Variants in UTRN observed in about 807,000 individuals in gnomAD.
UTRN encodes dystrophin-related protein 1.
UTRN carries 283 observed loss-of-function variants against 463.9 expected under a neutral mutation model. That is an observed-to-expected ratio of 0.61 (90% CI 0.55 to 0.67). The LOEUF is 0.67. Ranked by LOEUF, UTRN falls within the 30% of genes least tolerant of loss-of-function variation. The probability of loss-of-function intolerance (pLI) is 0.00; values close to 1 mark genes in which losing one functional copy is unlikely to be tolerated. For missense variants in UTRN, 3,922 were observed against 4,084.3 expected, an observed-to-expected ratio of 0.96 and a Z score of 1.08; for synonymous variants, 1,442 against 1,431.5, an observed-to-expected ratio of 1.01 and a Z score of -0.17.
intron 61 of UTRN, among the ~76,000 whole-genome samples, chr6:144,782,381 T>C (rs1160944632): frequency 1.3e-5 from 2 of 152,166 alleles, no homozygotes; most frequent in Non-Finnish European, 1.5e-5. Context: ...TATAGTATTC[T>C]TTGCCAAAAT....
At chr6:144,715,635 C>T (rs1215114420) in intron 53 of UTRN, among the ~76,000 whole-genome samples, 1 of 151,996 alleles carries the variant, frequency 6.6e-6, no homozygotes, top group Non-Finnish European at 1.5e-5. Flanking sequence ...CTCAACTTCT[C>T]TACTTGAACT....
chr6:144,554,822 T>C lies in UTRN; in HGVS notation c.7063T>C (p.Tyr2355His), dbSNP rs114615094. The C allele has an allele frequency of 1.8e-4, 296 of 1,613,982 alleles. 1 individual carries two copies. The East Asian group carries it at 5.3e-3, about 29-fold the overall frequency. ...REETEELMRK[Y>H]EARLYILQQA... ...GGAGACTGAAGAACTGATGAGAAAA[T>C]ATGAGGCTCGACTCTATATTCTTCA... Residue 2355 changes from tyrosine (Y) to histidine (H), a missense_variant, in exon 49 of 75, where the codon TAT (tyrosine) becomes CAT (histidine). Tyr to His is a moderately conservative substitution (Grantham distance 83). This residue lies in a region of UTRN where 1,309 missense variants were observed against 1,452.6 expected (regional missense o/e 0.90). Coordinates refer to ENST00000367545, the MANE Select transcript of UTRN (RefSeq NM_007124.3).
chr6:144,657,614 A>C (rs545258528), intron 51 of UTRN, among the ~76,000 whole-genome samples: 5 of 152,154 alleles, frequency 3.3e-5, no homozygotes, highest in Non-Finnish European at 7.3e-5. Context: ...TGGATACAAG[A>C]TATGTGGGAC....
At chr6:144,585,805 C>T (rs1156986347) in intron 51 of UTRN, among the ~76,000 whole-genome samples, 2 of 152,014 alleles carry the variant, frequency 1.3e-5, no homozygotes, top group Admixed American at 1.3e-4. Context: ...CTCCTTATTC[C>T]TCCCACATTC....
At position 144,548,682 on chromosome 6, in the gene UTRN, C is replaced by T. The variant is rs1473189296; in HGVS notation, c.6638C>T (p.Ser2213Leu). Reference protein sequence around the residue: ...VQKVVLVSSASDIPVQSHRTS... With the variant: ...VQKVVLVSSALDIPVQSHRTS... ...AAGGTGGTGCTAGTATCATCTGCGT[C>T]AGATATTCCTGTTCAGTCTCATCGT... The change falls in exon 47 of 75, where the codon TCA (serine) becomes TTA (leucine). Residue 2213 changes from serine to leucine, a missense_variant. By Grantham distance (145) the Ser-to-Leu change is moderately radical (BLOSUM62 -2). This residue lies in a region of UTRN where 2,349 missense variants were observed against 2,303.8 expected (regional missense o/e 1.02). Coordinates refer to ENST00000367545, the MANE Select transcript of UTRN (RefSeq NM_007124.3). 1 of 1,613,914 alleles carries T rather than the reference C, an allele frequency of 6.2e-7. No homozygotes were observed. The highest frequency in any genetic ancestry group is 1.7e-4 in the Middle Eastern group (1 of 6,060).
chr6:144,730,590 T>A, intron 54 of UTRN, 104 bp downstream of exon 54: 1 of 1,265,316 alleles, frequency 7.9e-7, no homozygotes, highest in Non-Finnish European at 1.0e-6. Context: ...ATCTAATATT[T>A]AAATCTTTTC....
At chr6:144,632,610 G>A (rs2128655501) in intron 51 of UTRN, among the ~76,000 whole-genome samples, 1 of 152,166 alleles carries the variant, frequency 6.6e-6, no homozygotes, top group South Asian at 2.1e-4. Flanking sequence ...TCTGATACCT[G>A]CGGTCTTATT....
At chr6:144,803,803 G>A (rs1777909464) in intron 65 of UTRN, among the ~76,000 whole-genome samples, 1 of 151,974 alleles carries the variant, frequency 6.6e-6, no homozygotes, top group African/African-American at 2.4e-5. Context: ...GCTCATTCCA[G>A]ATATTATGTA....
intron 32 of UTRN, 76 bp downstream of exon 32, chr6:144,491,178 C>G: frequency 2.1e-6 from 3 of 1,404,800 alleles, no homozygotes; most frequent in Non-Finnish European, 2.9e-6. Context: ...AAGTACATGC[C>G]TAGTGTGTCC....
At chr6:144,551,665 A>C (rs1034279970) in intron 48 of UTRN, among the ~76,000 whole-genome samples, 7 of 152,212 alleles carry the variant, frequency 4.6e-5, no homozygotes, top group African/African-American at 1.4e-4. Flanking sequence ...AGGTTCTACA[A>C]ACCCTTCTTA....
At chr6:144,592,567 CA>C (rs1158236649) in intron 51 of UTRN, among the ~76,000 whole-genome samples, 1 of 152,122 alleles carries the variant, frequency 6.6e-6, no homozygotes, top group Non-Finnish European at 1.5e-5. Context: ...GACGGAGTTT[CA>C]CCATGTTGGC....
intron 62 of UTRN, among the ~76,000 whole-genome samples, chr6:144,792,885 A>C (rs557314938): frequency 3.9e-5 from 6 of 152,308 alleles, no homozygotes; most frequent in African/African-American, 1.2e-4. Flanking sequence ...GTAAACCAAG[A>C]GTGGACAAAA....
At chr6:144,803,199 A>G (rs1236296951) in intron 65 of UTRN, 52 bp downstream of exon 65, 1 of 1,085,694 alleles carries the variant, frequency 9.2e-7, no homozygotes, top group Non-Finnish European at 1.2e-6. Flanking sequence ...TGAATTAACT[A>G]GTATCTAAAA....
intron 48 of UTRN, 37 bp from the exon 49 acceptor site, chr6:144,554,651 G>T (rs1799221661): frequency 6.2e-7 from 1 of 1,602,044 alleles, no homozygotes; most frequent in South Asian, 1.1e-5. Flanking sequence ...AGGGTTACAT[G>T]TTGGGATTTT....
intron 41 of UTRN, among the ~76,000 whole-genome samples, chr6:144,529,799 A>T (rs1028552107): frequency 2.0e-5 from 3 of 152,010 alleles, no homozygotes; most frequent in African/African-American, 7.2e-5. Context: ...TAAAAAATAT[A>T]TATTTTATTA....
At chr6:144,712,361 G>A (rs1785820564) in intron 53 of UTRN, among the ~76,000 whole-genome samples, 1 of 152,130 alleles carries the variant, frequency 6.6e-6, no homozygotes, top group Admixed American at 6.6e-5. Context: ...GCCATAGAAT[G>A]TCCATGTTTA....
At chr6:144,377,073 T>C (rs1298462494) in intron 2 of UTRN, among the ~76,000 whole-genome samples, 2 of 152,194 alleles carry the variant, frequency 1.3e-5, no homozygotes, top group Non-Finnish European at 2.9e-5. Context: ...AGTCTTGCTC[T>C]GTCACCCAGG....
intron 54 of UTRN, among the ~76,000 whole-genome samples, chr6:144,744,107 G>A (rs1444726962): frequency 6.8e-6 from 1 of 146,400 alleles, no homozygotes; most frequent in Non-Finnish European, 1.5e-5. Flanking sequence ...GGGTAACATA[G>A]TGAGACCTCA....
intron 65 of UTRN, 39 bp downstream of exon 65, chr6:144,803,186 C>T (rs745920268): frequency 1.6e-6 from 2 of 1,254,748 alleles, no homozygotes; most frequent in South Asian, 2.2e-5. Flanking sequence ...AATACATTGC[C>T]ATTGAATTAA....
Sources: allele counts gnomAD v4.1 joint callset (sites outside exome capture counted in the v4.1 genomes callset), GRCh38; gene constraint gnomAD v4.1.1; regional missense constraint gnomAD v4.1.1; transcripts MANE v1.5; gene names NCBI Gene and HGNC (gene_info 2026-07-23, HGNC 2026-07-21).